The following CFAP144 variants were observed in gnomAD, a reference collection of about 807,000 sequenced individuals.
The protein encoded by CFAP144 is cilia- and flagella-associated protein 144.
chr1:43,144,898 G>A, the CFAP144 span, among the ~76,000 whole-genome samples: 1 of 152,162 alleles, frequency 6.6e-6, no homozygotes, highest in Admixed American at 6.5e-5. Flanking sequence ...CCCTCATGCT[G>A]GGACAGTTCT....
At chr1:43,156,199 T>G in the CFAP144 span, 2 of 1,613,322 alleles carry the variant, frequency 1.2e-6, no homozygotes, top group Non-Finnish European at 1.7e-6. Context: ...TGCATCCTCC[T>G]TTCTAGATCA....
At chr1:43,148,155 T>C in the CFAP144 span, 1 of 1,512,948 alleles carries the variant, frequency 6.6e-7, no homozygotes, top group East Asian at 2.3e-5. Context: ...CCCTCCGGGT[T>C]GCGGGGTGGG....
the CFAP144 span, among the ~76,000 whole-genome samples, chr1:43,146,103 A>G: frequency 6.6e-6 from 1 of 152,216 alleles, no homozygotes; most frequent in Non-Finnish European, 1.5e-5. Flanking sequence ...TACAGATCTC[A>G]CTGAGAAAGG....
the CFAP144 span, chr1:43,147,876 G>T: frequency 6.3e-7 from 1 of 1,579,636 alleles, no homozygotes; most frequent in Non-Finnish European, 8.6e-7. Flanking sequence ...GGACGCCGTT[G>T]CCTGGAGACA....
chr1:43,152,716 C>A, the CFAP144 span: 1 of 1,226,428 alleles, frequency 8.2e-7, no homozygotes, highest in South Asian at 1.9e-5. Context: ...AGGCAAACCT[C>A]CAAGGCACAG....
the CFAP144 span, among the ~76,000 whole-genome samples, chr1:43,154,237 AATT>A: frequency 1.4e-5 from 2 of 145,042 alleles, no homozygotes; most frequent in South Asian, 4.2e-4. Context: ...TTTATATAAA[AATT>A]ATATAAAATA....
the CFAP144 span, among the ~76,000 whole-genome samples, chr1:43,144,480 A>G: frequency 1.3e-5 from 2 of 151,832 alleles, no homozygotes; most frequent in African/African-American, 4.8e-5. Flanking sequence ...AGCTACCTCA[A>G]ATTTCTCTTT....
the CFAP144 span, chr1:43,152,679 A>G: frequency 5.4e-6 from 4 of 744,028 alleles, no homozygotes; most frequent in African/African-American, 5.3e-5. Context: ...ATGAGTGGAG[A>G]GACCAGACAC....
the CFAP144 span, among the ~76,000 whole-genome samples, chr1:43,151,801 G>A: frequency 7.5e-4 from 114 of 152,270 alleles, 1 homozygote; most frequent in African/African-American, 2.3e-3. Flanking sequence ...AGAGCATTAC[G>A]AAGGAGGCAG....
the CFAP144 span, among the ~76,000 whole-genome samples, chr1:43,149,118 G>T: frequency 6.6e-6 from 1 of 152,058 alleles, no homozygotes; most frequent in Non-Finnish European, 1.5e-5. Context: ...CTACACCTTT[G>T]CTAGCTTAGC....
At chr1:43,153,116 C>A in the CFAP144 span, 2 of 650,814 alleles carry the variant, frequency 3.1e-6, no homozygotes, top group Admixed American at 3.0e-5. Flanking sequence ...TAATACAGTA[C>A]CTATCTCATA....
chr1:43,146,137 T>A, the CFAP144 span, among the ~76,000 whole-genome samples: 1 of 152,214 alleles, frequency 6.6e-6, no homozygotes, highest in African/African-American at 2.4e-5. Context: ...TCCTCTTAAA[T>A]ATTAATAGTT....
At chr1:43,145,197 C>A in the CFAP144 span, 4 of 1,443,352 alleles carry the variant, frequency 2.8e-6, no homozygotes, top group Non-Finnish European at 3.8e-6. Context: ...CTGGCTTCTC[C>A]ACGGAACTTG....
the CFAP144 span, among the ~76,000 whole-genome samples, chr1:43,151,599 A>G: frequency 6.6e-6 from 1 of 152,194 alleles, no homozygotes; most frequent in Non-Finnish European, 1.5e-5. Context: ...CATGACTACA[A>G]GTAGTTTGGC....
the CFAP144 span, among the ~76,000 whole-genome samples, chr1:43,145,792 G>A: frequency 4.5e-4 from 68 of 152,348 alleles, 1 homozygote; most frequent in South Asian, 0.014. Context: ...CGGCAAGACT[G>A]TCTTGAGAAG....
chr1:43,148,099 G>T, the CFAP144 span: 1 of 1,611,208 alleles, frequency 6.2e-7, no homozygotes, highest in African/African-American at 1.3e-5. Flanking sequence ...GAGGCACGGC[G>T]GGGTGGGGGA....
the CFAP144 span, among the ~76,000 whole-genome samples, chr1:43,146,599 C>T: frequency 6.6e-6 from 1 of 152,184 alleles, no homozygotes; most frequent in African/African-American, 2.4e-5. Flanking sequence ...AATACATTTG[C>T]AGCATGTACA....
chr1:43,154,901 G>A, the CFAP144 span, among the ~76,000 whole-genome samples: 1 of 152,154 alleles, frequency 6.6e-6, no homozygotes, highest in South Asian at 2.1e-4. Context: ...GCAGATTCTG[G>A]CTAATTTCCA....
chr1:43,148,035 A>G, the CFAP144 span: 83 of 1,613,868 alleles, frequency 5.1e-5, no homozygotes, highest in Non-Finnish European at 6.9e-5. Context: ...TCAAGGAGCT[A>G]CGAACCCAGA....
Sources: allele counts gnomAD v4.1 joint callset (sites outside exome capture counted in the v4.1 genomes callset), GRCh38; gene constraint gnomAD v4.1.1; transcripts MANE v1.5; gene names NCBI Gene and HGNC (gene_info 2026-07-23, HGNC 2026-07-21).